Variants in CCDC6 observed in about 807,000 individuals in gnomAD.
The protein encoded by CCDC6 is coiled-coil domain-containing protein 6.
Under a neutral mutation model 56.6 loss-of-function variants are expected in CCDC6, and 20 were observed. The ratio of observed to expected loss-of-function variants is 0.35; its 90% confidence interval spans 0.25 to 0.51. The LOEUF (loss-of-function observed/expected upper bound fraction) is 0.51, where lower values mean the gene tolerates loss of function less well. Among genes scored for constraint, CCDC6 ranks in the 20% least tolerant of loss-of-function variants. The pLI is 0.95. For synonymous variants in CCDC6, 241 were observed against 234.4 expected (o/e 1.03, Z -0.26); for missense variants, 367 against 601.1 (o/e 0.61, Z 4.07).
chr10:59,798,951 GC>G (rs1379503132), intron 7 of CCDC6, among the ~76,000 whole-genome samples: 1 of 134,096 alleles, frequency 7.5e-6, no homozygotes, highest in Non-Finnish European at 1.5e-5. Context: ...CTGAGATCAT[GC>G]CACTGCACTC....
chr10:59,858,122 C>T (rs2071095085), intron 1 of CCDC6, among the ~76,000 whole-genome samples: 2 of 152,132 alleles, frequency 1.3e-5, no homozygotes, highest in South Asian at 4.1e-4. Flanking sequence ...TATTTAAGTG[C>T]CGGTGCAGCA....
At chr10:59,895,159 AG>A (rs1014606885) in intron 1 of CCDC6, among the ~76,000 whole-genome samples, 24 of 152,216 alleles carry the variant, frequency 1.6e-4, no homozygotes, top group African/African-American at 5.3e-4. Flanking sequence ...ATAGTGACCC[AG>A]GAGTGGTGGC....
At chr10:59,873,536 T>G (rs1051087192) in intron 1 of CCDC6, among the ~76,000 whole-genome samples, 3 of 152,144 alleles carry the variant, frequency 2.0e-5, no homozygotes, top group African/African-American at 7.2e-5. Flanking sequence ...TCCAGAACTG[T>G]GAGAAAATTA....
intron 2 of CCDC6, among the ~76,000 whole-genome samples, chr10:59,850,237 T>C (rs774604162): frequency 2.6e-5 from 4 of 152,170 alleles, no homozygotes; most frequent in Admixed American, 6.5e-5. Context: ...GAGTTTCAGT[T>C]TGAAAAGGTT....
At chr10:59,885,910 ACCCCGCC>A (rs1165160115) in intron 1 of CCDC6, among the ~76,000 whole-genome samples, 7 of 49,048 alleles carry the variant, frequency 1.4e-4, no homozygotes, top group African/African-American at 3.8e-4. Flanking sequence ...TCTATTTCCA[ACCCCGCC>A]CCCCGCCCCC....
chr10:59,897,358 A>G (rs1044803274), intron 1 of CCDC6, among the ~76,000 whole-genome samples: 2 of 151,802 alleles, frequency 1.3e-5, no homozygotes, highest in Non-Finnish European at 2.9e-5. Context: ...GGTTCAAGCG[A>G]TTCTCCTGCC....
chr10:59,869,863 C>T (rs1306836088), intron 1 of CCDC6, among the ~76,000 whole-genome samples: 2 of 152,154 alleles, frequency 1.3e-5, no homozygotes, highest in African/African-American at 4.8e-5. Flanking sequence ...GACACTCCAG[C>T]CACTCCAGCA....
chr10:59,874,010 A>G (rs2132670458), intron 1 of CCDC6, among the ~76,000 whole-genome samples: 1 of 152,282 alleles, frequency 6.6e-6, no homozygotes, highest in East Asian at 1.9e-4. Context: ...AAAATCAACC[A>G]TGGTCAGTGA....
intron 1 of CCDC6, among the ~76,000 whole-genome samples, chr10:59,855,854 C>G (rs1380049510): frequency 6.6e-6 from 1 of 152,220 alleles, no homozygotes; most frequent in African/African-American, 2.4e-5. Context: ...TTCCCAAGGA[C>G]AGCAGCAAAA....
chr10:59,865,510 G>A (rs913861668), intron 1 of CCDC6, among the ~76,000 whole-genome samples: 3 of 152,110 alleles, frequency 2.0e-5, no homozygotes, highest in Non-Finnish European at 4.4e-5. Context: ...AAAACCCACT[G>A]GCAGTTGATC....
rs2070471683 is a variant in CCDC6 at position 59,791,994 on chromosome 10, T to C, written c.*923A>G. On this transcript the variant is annotated 3_prime_UTR_variant, in exon 9 of 9. Coordinates refer to ENST00000263102, the MANE Select transcript of CCDC6 (RefSeq NM_005436.5). ...CAAATAGTATTTTCTAATGGTATTTTGCACCTTTAAAATATTTGTTCAAAC... is the reference window on the plus strand; with the variant it reads ...CAAATAGTATTTTCTAATGGTATTTCGCACCTTTAAAATATTTGTTCAAAC... 4.5e-6 allele frequency: 1 copy of C among 222,580 alleles called. No individual in the cohort carries two copies. Among genetic ancestry groups the C allele is most frequent in the East Asian group, 6.6e-5 (1 of 15,104 alleles). 13.8% of individuals were successfully genotyped at this position (222,580 alleles called of 1,614,324 possible).
rs199549238 is a variant in CCDC6 at position 59,793,018 on chromosome 10, G to C, written c.1324C>G (p.Pro442Ala). 24 of 1,613,720 alleles carry C rather than the reference G, an allele frequency of 1.5e-5. No individual in the cohort carries two copies. The highest frequency in any genetic ancestry group is 2.0e-5 in the Non-Finnish European group (24 of 1,179,780). ...TGCATGGGTGGCGGAGGTGGAGGCG[G>C]AGGTGGCTGGACTGGGGTCTGTGTG... ...PNTQTPVQPP[P>A]PPPPPPMQPT... The change falls in exon 9 of 9, where the codon CCG (proline) becomes GCG (alanine). Residue 442 changes from proline to alanine, a missense_variant. By Grantham distance (27) the Pro-to-Ala change is conservative (BLOSUM62 -1). Around this residue, in one of 7 missense-constraint regions of CCDC6, gnomAD observed 54 missense variants for 60.0 expected, o/e 0.90. Transcript: ENST00000263102.
intron 3 of CCDC6, among the ~76,000 whole-genome samples, chr10:59,824,566 T>C (rs2120989): frequency 0.5 from 75,834 of 151,626 alleles, 19,704 homozygotes; most frequent in African/African-American, 0.64. Context: ...TTTACTATGA[T>C]TATGTCTCCA....
intron 1 of CCDC6, among the ~76,000 whole-genome samples, chr10:59,892,983 C>T (rs1007418253): frequency 6.6e-6 from 1 of 152,168 alleles, no homozygotes; most frequent in Non-Finnish European, 1.5e-5. Context: ...AAAATAATTT[C>T]ACAGATACTT....
At chr10:59,832,687 A>G (rs1231912088) in intron 2 of CCDC6, 34 bp from the exon 3 acceptor site, 1 of 1,606,418 alleles carries the variant, frequency 6.2e-7, no homozygotes, top group Admixed American at 1.7e-5. Context: ...TGTGGAAATC[A>G]GGCAACTCAA....
At chr10:59,799,019 G>T (rs1165410834) in intron 7 of CCDC6, among the ~76,000 whole-genome samples, 1 of 144,882 alleles carries the variant, frequency 6.9e-6, no homozygotes, top group Non-Finnish European at 1.5e-5. Context: ...AAAAAAAAGT[G>T]GATCCTTGTC....
chr10:59,792,487 C>A lies in CCDC6; in HGVS notation c.*430G>T. The A allele has an allele frequency of 2.2e-6, 1 of 451,408 alleles. No homozygotes were observed. Among genetic ancestry groups the A allele is most frequent in the Non-Finnish European group, 4.2e-6 (1 of 240,294 alleles). 28.0% of individuals were successfully genotyped at this position (451,408 alleles called of 1,614,324 possible). A position where few individuals can be genotyped will look rare whatever the true frequency, so the allele number is the denominator to read the frequency against. ...CTGAATTATTGGTATGTTTGGTAAA[C>A]ACTATTATAATGAGAGGAGGGTAAC... On this transcript the variant is annotated 3_prime_UTR_variant, in exon 9 of 9. Coordinates refer to ENST00000263102, the MANE Select transcript of CCDC6 (RefSeq NM_005436.5).
chr10:59,800,512 A>G (rs970181008), intron 7 of CCDC6, among the ~76,000 whole-genome samples: 1 of 152,208 alleles, frequency 6.6e-6, no homozygotes, highest in East Asian at 1.9e-4. Context: ...ACAGTATTCC[A>G]TTGAATAGAC....
intron 1 of CCDC6, among the ~76,000 whole-genome samples, chr10:59,878,314 C>T (rs760901507): frequency 7.2e-5 from 11 of 152,196 alleles, no homozygotes; most frequent in Non-Finnish European, 1.3e-4. Flanking sequence ...AAAATGTCTG[C>T]ATTTCCAGCT....
Sources: gnomAD v4.1 joint callset for allele counts (sites outside exome capture counted in the v4.1 genomes callset) on GRCh38, gnomAD v4.1.1 for gene constraint, gnomAD v4.1.1 regional missense constraint, MANE v1.5 for transcripts, NCBI Gene and HGNC (gene_info 2026-07-23, HGNC 2026-07-21) for gene names.